TBC1D22A: variants seen among roughly 807,000 people sequenced by gnomAD.
TBC1D22A encodes putative GTPase activator.
A neutral mutation model predicts 60.2 loss-of-function variants in TBC1D22A; 38 were observed. That is an observed-to-expected ratio of 0.63 (90% CI 0.49 to 0.83). The LOEUF (loss-of-function observed/expected upper bound fraction) is 0.83. Ranked by LOEUF, TBC1D22A falls within the 40% of genes least tolerant of loss-of-function variation. TBC1D22A has a pLI of 0.00. For synonymous variants in TBC1D22A, 302 were observed against 281.7 expected (o/e 1.07, Z -0.72); for missense variants, 628 against 701.0 (o/e 0.90, Z 1.18).
At chr22:47,033,273 G>A (rs1182840814) in intron 10 of TBC1D22A, among the ~76,000 whole-genome samples, 1 of 152,200 alleles carries the variant, frequency 6.6e-6, no homozygotes, top group African/African-American at 2.4e-5. Flanking sequence ...TTTTGTAGCT[G>A]CAGATTAACT....
intron 8 of TBC1D22A, among the ~76,000 whole-genome samples, chr22:46,946,423 G>A (rs1348914041): frequency 1.3e-5 from 2 of 152,334 alleles, no homozygotes; most frequent in South Asian, 4.1e-4. Context: ...GGAGGCTGGT[G>A]AGCCTCAGTG....
At position 47,037,408 on chromosome 22, in the gene TBC1D22A, T is replaced by C. The variant is rs192542803; in HGVS notation, c.1329+210T>C. Among the ~76,000 whole-genome samples, 1,006 of 152,228 alleles carry C rather than the reference T, an allele frequency of 6.6e-3. 12 individuals carry two copies. The highest frequency in any genetic ancestry group is 0.023 in the African/African-American group (969 of 41,524). On this transcript the variant is annotated intron_variant, in intron 11 of 12. Transcript: ENST00000337137. ...ACTTTGGGAGGCCAAGGTGGGTGGATTGCCTGAGCTCAGGAGTTCGAGACC... is the reference window on the plus strand; with the variant it reads ...ACTTTGGGAGGCCAAGGTGGGTGGACTGCCTGAGCTCAGGAGTTCGAGACC...
chr22:46,989,567 G>C (rs1378575689), intron 9 of TBC1D22A, among the ~76,000 whole-genome samples: 1 of 152,076 alleles, frequency 6.6e-6, no homozygotes, highest in Non-Finnish European at 1.5e-5. Context: ...AGAGAGATGG[G>C]GAACTGCCGG....
intron 8 of TBC1D22A, among the ~76,000 whole-genome samples, chr22:46,957,786 C>A (rs1055370426): frequency 6.6e-6 from 1 of 152,202 alleles, no homozygotes. Flanking sequence ...TGTGAGGAAG[C>A]GGATCACACC....
In TBC1D22A at chr22:47,014,562, C is replaced by T. The variant is rs1454957946; in HGVS notation, c.1201+16853C>T. ...GCTCGTTAAGCCTACTGTCCCTATG[C>T]CCCACCAAGCAGCCCCATCCTTCAC... On this transcript the variant is annotated intron_variant, in intron 10 of 12. Coordinates refer to ENST00000337137, the MANE Select transcript of TBC1D22A (RefSeq NM_014346.5). 3.3e-5 allele frequency among the ~76,000 whole-genome samples: 5 copies of T among 152,226 alleles called. No homozygotes were observed. In the East Asian group the frequency reaches 9.6e-4, roughly 29 times the overall value.
At chr22:46,861,741 C>A (rs183722111) in intron 4 of TBC1D22A, among the ~76,000 whole-genome samples, 1 of 152,240 alleles carries the variant, frequency 6.6e-6, no homozygotes, top group East Asian at 1.9e-4. Context: ...GTATCCCGGC[C>A]GCACTGGGGC....
intron 1 of TBC1D22A, among the ~76,000 whole-genome samples, chr22:46,764,922 A>T (rs1601765631): frequency 6.6e-6 from 1 of 152,202 alleles, no homozygotes; most frequent in African/African-American, 2.4e-5. Flanking sequence ...CTGAGAGAGA[A>T]TAAGTGTCTG....
Position 46,781,247 on chromosome 22 carries a change from C to T in TBC1D22A, c.63-11273C>T, listed in dbSNP as rs1214049290. On this transcript the variant is annotated intron_variant, in intron 1 of 12. Transcript: ENST00000337137. The stretch of plus-strand genomic sequence containing the variant: ...GGAGTGCAGTGGTGCGTGATCTTAG[C>T]TCACTGCAGCCTTGACTTCCTGGGC... Among the ~76,000 whole-genome samples, 3 of 151,390 alleles carry T rather than the reference C, an allele frequency of 2.0e-5. No individual in the cohort carries two copies. The South Asian group carries it at 6.2e-4, about 31-fold the overall frequency.
At chr22:47,075,514 C>T (rs5767474) in intron 11 of TBC1D22A, among the ~76,000 whole-genome samples, 68,665 of 151,788 alleles carry the variant, frequency 0.45, 15,994 homozygotes, top group East Asian at 0.59. Flanking sequence ...AAATCCCATC[C>T]CTCAGTGTTA....
At chr22:46,957,254 T>G (rs2073248597) in intron 8 of TBC1D22A, among the ~76,000 whole-genome samples, 1 of 152,240 alleles carries the variant, frequency 6.6e-6, no homozygotes, top group South Asian at 2.1e-4. Flanking sequence ...TGAGTAGTGC[T>G]GTATTAGTCT....
intron 11 of TBC1D22A, among the ~76,000 whole-genome samples, chr22:47,074,924 T>C (rs899065270): frequency 6.6e-6 from 1 of 152,002 alleles, no homozygotes; most frequent in African/African-American, 2.4e-5. Context: ...AACAAAGGGG[T>C]GTAATAGAGA....
chr22:46,889,594 G>A (rs529913715), intron 5 of TBC1D22A, among the ~76,000 whole-genome samples: 6 of 152,284 alleles, frequency 3.9e-5, no homozygotes, highest in African/African-American at 1.2e-4. Flanking sequence ...GGAAACAACC[G>A]AAATGCTCAT....
intron 11 of TBC1D22A, among the ~76,000 whole-genome samples, chr22:47,067,905 C>T (rs9615126): frequency 2.0e-5 from 3 of 152,228 alleles, no homozygotes; most frequent in African/African-American, 4.8e-5. Context: ...TGTTCATGCA[C>T]GATGCTTTGA....
At chr22:46,866,018 G>C (rs1320763893) in intron 4 of TBC1D22A, among the ~76,000 whole-genome samples, 1 of 152,180 alleles carries the variant, frequency 6.6e-6, no homozygotes, top group African/African-American at 2.4e-5. Flanking sequence ...AACCGTTGAA[G>C]TTCTGTGCCG....
intron 6 of TBC1D22A, 65 bp from the exon 7 acceptor site, chr22:46,894,719 T>G (rs1285997909): frequency 6.3e-6 from 10 of 1,591,220 alleles, no homozygotes; most frequent in Non-Finnish European, 8.6e-6. Flanking sequence ...GCTGTTTTAA[T>G]CATATCGCTC....
chr22:47,117,571 C>T (rs908699952), intron 12 of TBC1D22A, among the ~76,000 whole-genome samples: 8 of 149,868 alleles, frequency 5.3e-5, no homozygotes, highest in East Asian at 2.0e-4. Flanking sequence ...ACCGTGGCAT[C>T]GAGCAGGGAG....
intron 1 of TBC1D22A, among the ~76,000 whole-genome samples, chr22:46,772,150 T>G (rs13056163): frequency 1.9e-3 from 20 of 10,356 alleles, no homozygotes; most frequent in Non-Finnish European, 2.3e-3. Context: ...TACACACATA[T>G]ACATATATAT....
chr22:47,124,708 A>G (rs934483192), intron 12 of TBC1D22A, among the ~76,000 whole-genome samples: 6 of 151,850 alleles, frequency 4.0e-5, no homozygotes, highest in Non-Finnish European at 7.4e-5. Flanking sequence ...GGCGAGGGGG[A>G]CAGACGGGGG....
At chr22:47,066,313 G>A (rs2063771491) in intron 11 of TBC1D22A, among the ~76,000 whole-genome samples, 1 of 152,094 alleles carries the variant, frequency 6.6e-6, no homozygotes, top group African/African-American at 2.4e-5. Context: ...GAAGTGGGTG[G>A]CACCCACGAG....
Sources: allele counts gnomAD v4.1 joint callset (sites outside exome capture counted in the v4.1 genomes callset), GRCh38; gene constraint gnomAD v4.1.1; transcripts MANE v1.5; gene names NCBI Gene and HGNC (gene_info 2026-07-23, HGNC 2026-07-21).